Variants in VSIR observed in about 807,000 individuals in gnomAD.
The protein encoded by VSIR is V-type immunoglobulin domain-containing suppressor of T-cell activation.
In VSIR, 10 loss-of-function variants were observed where a neutral mutation model predicts 31.0. That is an observed-to-expected ratio of 0.32 (90% confidence interval 0.20 to 0.55). The LOEUF (loss-of-function observed/expected upper bound fraction) is 0.55, where lower values mean the gene tolerates loss of function less well. Among genes scored for constraint, VSIR ranks in the 20% least tolerant of loss-of-function variants. The pLI, the probability that VSIR is intolerant of heterozygous loss-of-function variation, is 0.93. For missense variants in VSIR, 356 were observed against 416.2 expected (o/e 0.86, Z 1.26); for synonymous variants, 179 against 180.1 (o/e 0.99, Z 0.05).
chr10:71,764,772 A>G (rs1325994408), intron 1 of VSIR, among the ~76,000 whole-genome samples: 1 of 152,176 alleles, frequency 6.6e-6, no homozygotes, highest in African/African-American at 2.4e-5. Flanking sequence ...TTCTTGGGCT[A>G]GCTGGCATGG....
chr10:71,759,769 G>A (rs1400547814), intron 3 of VSIR, among the ~76,000 whole-genome samples: 1 of 150,514 alleles, frequency 6.6e-6, no homozygotes. Context: ...CCCAGATCGC[G>A]CCACTGCACT....
intron 3 of VSIR, among the ~76,000 whole-genome samples, chr10:71,759,930 C>CACATATATATACACACACAT (rs1564779366): frequency 3.7e-4 from 20 of 54,520 alleles, no homozygotes; most frequent in Middle Eastern, 8.3e-3. Flanking sequence ...TACACACACA[C>CACATATATATACACACACAT]ATATATACAC....
In VSIR at chr10:71,751,714, G is replaced by C; in HGVS notation, c.852C>G (p.Thr284=). The stretch of plus-strand genomic sequence containing the variant: ...CTCCGGGGCCTGGAGGAGACAGGGG[G>C]GTGCTGGGCTCCGAAAGCAGATGCC... ...SGRHLLSEPS[T]PLSPPGPGDV... The change falls in exon 6 of 7, where the codon ACC becomes ACG. Residue 284 remains threonine (T), a synonymous_variant. Coordinates refer to ENST00000394957, the MANE Select transcript of VSIR (RefSeq NM_022153.2). The surrounding 1 kb of genome is among the most constrained non-coding windows in gnomAD (Gnocchi z 4.9). 2 of 1,573,466 alleles carry C rather than the reference G, an allele frequency of 1.3e-6. No homozygotes were observed. The highest frequency in any genetic ancestry group is 2.0e-4 in the Middle Eastern group (1 of 4,952).
Position 71,751,591 on chromosome 10 carries a change from A to G in VSIR, c.898+77T>C. On this transcript the variant is annotated intron_variant, in intron 6 of 6. Coordinates refer to ENST00000394957, the MANE Select transcript of VSIR (RefSeq NM_022153.2). This position sits in a 1 kb window ranked among gnomAD's most constrained non-coding sequence, Gnocchi z 4.9. ...GTGGAACTCTTCAGGGAGGGCAGGG[A>G]GTGAGGCCGATGCCCTGCAGGCCAT... 6.9e-7 allele frequency: 1 copy of G among 1,457,582 alleles called. No individual in the cohort carries two copies. The highest frequency in any genetic ancestry group is 9.2e-7 in the Non-Finnish European group (1 of 1,088,296). 90.3% of individuals were successfully genotyped at this position (1,457,582 alleles called of 1,614,324 possible).
Position 71,748,453 on chromosome 10 carries a change from C to CA in VSIR, c.*2799dup, listed in dbSNP as rs1470313340. ...GAGTGCTGAGCAGTCCCCGCTGTGT[C>CA]AGCAAAACCCTCCAAATGGTGCTTT... On this transcript the variant is annotated 3_prime_UTR_variant, in exon 7 of 7. Coordinates refer to ENST00000394957, the MANE Select transcript of VSIR (RefSeq NM_022153.2). 6.6e-6 allele frequency: 1 copy of CA among 152,274 alleles called. No homozygotes were observed. The highest frequency in any genetic ancestry group is 1.5e-5 in the Non-Finnish European group (1 of 68,092). 9.4% of individuals were successfully genotyped at this position (152,274 alleles called of 1,614,324 possible).
At chr10:71,765,750 C>T (rs561916710) in intron 1 of VSIR, among the ~76,000 whole-genome samples, 2 of 152,232 alleles carry the variant, frequency 1.3e-5, no homozygotes, top group African/African-American at 4.8e-5. Flanking sequence ...CCACCCATCC[C>T]ACAGGTCCCA....
Position 71,760,905 on chromosome 10 carries a change from G to A in VSIR, c.531C>T (p.Asn177=), listed in dbSNP as rs780594227. ...GGGAGGAGGATGGGTACACCACACA[G>A]TTGGATGGTGCATCTTTGCCTGTGG... The part of the protein sequence containing the change: ...QVQTGKDAPS[N]CVVYPSSSQD... The change falls in exon 3 of 7, where the codon AAC becomes AAT. Residue 177 remains asparagine, a synonymous_variant. Coordinates refer to ENST00000394957, the MANE Select transcript of VSIR (RefSeq NM_022153.2). The A allele has an allele frequency of 6.2e-7, 1 of 1,613,846 alleles. No homozygotes were observed. Among genetic ancestry groups the A allele is most frequent in the Non-Finnish European group, 8.5e-7 (1 of 1,179,760 alleles).
chr10:71,772,478 C>G (rs1840708154), intron 1 of VSIR, among the ~76,000 whole-genome samples: 1 of 152,254 alleles, frequency 6.6e-6, no homozygotes, highest in Admixed American at 6.5e-5. Context: ...ACTAGGCAAC[C>G]AGGCCATGGG....
chr10:71,760,262 T>C (rs1840336593), intron 3 of VSIR, among the ~76,000 whole-genome samples: 1 of 112,966 alleles, frequency 8.9e-6, no homozygotes, highest in African/African-American at 3.0e-5. Context: ...TATATATATG[T>C]ATATACATAT....
intron 2 of VSIR, 102 bp from the exon 3 acceptor site, chr10:71,761,026 T>C: frequency 1.7e-6 from 2 of 1,175,962 alleles, no homozygotes; most frequent in South Asian, 1.2e-5. Context: ...GTTCTCACGC[T>C]AGTGCCTACT....
At chr10:71,759,402 G>T (rs543573762) in intron 3 of VSIR, among the ~76,000 whole-genome samples, 2 of 152,212 alleles carry the variant, frequency 1.3e-5, no homozygotes, top group South Asian at 4.1e-4. Flanking sequence ...AGCTACTTGG[G>T]AGAATGAAGC....
chr10:71,755,348 G>A lies in VSIR; in HGVS notation c.676+11C>T. The A allele has an allele frequency of 6.2e-7, 1 of 1,608,008 alleles. No homozygotes were observed. Among genetic ancestry groups the A allele is most frequent in the Non-Finnish European group, 8.5e-7 (1 of 1,177,214 alleles). ...ACCGTCCACCCACCCCAGGCAGGGAGGAATACTCACGGCGGTTGGAGGCTG... is the reference window on the plus strand; with the variant it reads ...ACCGTCCACCCACCCCAGGCAGGGAAGAATACTCACGGCGGTTGGAGGCTG... On this transcript the variant is annotated intron_variant, in intron 4 of 6. Coordinates refer to ENST00000394957, the MANE Select transcript of VSIR (RefSeq NM_022153.2).
At position 71,752,985 on chromosome 10, in the gene VSIR, G is replaced by C. The variant is rs143020453; in HGVS notation, c.694C>G (p.Arg232Gly). 4 of 1,612,694 alleles carry C rather than the reference G, an allele frequency of 2.5e-6. No individual in the cohort carries two copies. In the Admixed American group the frequency reaches 6.7e-5, roughly 27 times the overall value. ...CTCCATGGGCCTTACCTGTCCATCC[G>C]CACCAGCTCCTGGGCACCTAGGGAC... ...ASNRRAQELV[R>G]MDSNIQGIEN... The change falls in exon 5 of 7, where the codon CGG (arginine) becomes GGG (glycine). Residue 232 changes from arginine (R) to glycine (G), a missense_variant. Around this residue, in one of 2 missense-constraint regions of VSIR, gnomAD observed 190 missense variants for 185.2 expected, o/e 1.03. Transcript: ENST00000394957.
In VSIR at chr10:71,773,260, C is replaced by T. The variant is rs1840728239; in HGVS notation, c.82+98G>A. The T allele has an allele frequency of 3.7e-6, 5 of 1,365,778 alleles. 1 individual carries two copies. Among genetic ancestry groups the T allele is most frequent in the South Asian group, 2.6e-5 (2 of 77,274 alleles). The allele number at this position is 1,365,778 out of a possible 1,614,324, so 84.6% of individuals were successfully genotyped here. A position where few individuals can be genotyped will look rare whatever the true frequency, so the allele number is the denominator to read the frequency against. ...GGAGTGGGGTGCACGGTCACACAGG[C>T]TGAGAGGGCCCCCAGGACGCCCCCA... is the stretch of plus-strand genomic sequence containing the variant. On this transcript the variant is annotated intron_variant, in intron 1 of 6. Transcript: ENST00000394957.
At position 71,751,565 on chromosome 10, in the gene VSIR, C is replaced by T. The variant is rs1164661410; in HGVS notation, c.898+103G>A. The T allele has an allele frequency of 6.8e-6, 9 of 1,319,620 alleles. No individual in the cohort carries two copies. The highest frequency in any genetic ancestry group is 6.2e-5 in the South Asian group (4 of 64,648). The allele number at this position is 1,319,620 out of a possible 1,614,324, so 81.7% of individuals were successfully genotyped here. Reference sequence around the variant, plus strand: ...CACCCTCAACCCCACCCCGTGAGGCCGTGGAACTCTTCAGGGAGGGCAGGG... The same window carrying T: ...CACCCTCAACCCCACCCCGTGAGGCTGTGGAACTCTTCAGGGAGGGCAGGG... On this transcript the variant is annotated intron_variant, in intron 6 of 6. Coordinates refer to ENST00000394957, the MANE Select transcript of VSIR (RefSeq NM_022153.2). The surrounding 1 kb of genome is among the most constrained non-coding windows in gnomAD (Gnocchi z 4.9).
rs761467389 is a variant in VSIR at position 71,751,819 on chromosome 10, T to C, written c.747A>G (p.Pro249=). Residue 249 remains proline, a synonymous_variant, in exon 6 of 7, where the codon CCA becomes CCG. Coordinates refer to ENST00000394957, the MANE Select transcript of VSIR (RefSeq NM_022153.2). The surrounding 1 kb of genome is among the most constrained non-coding windows in gnomAD (Gnocchi z 4.9). ...TGGCCTCGGGTATCCCCTGGGCAGG[T>C]GGTGAGGCTTCAAAGCCGGGGTTTT... ...GIENPGFEAS[P]PAQGIPEAKV... The C allele has an allele frequency of 1.3e-6, 2 of 1,573,528 alleles. No homozygotes were observed. Among genetic ancestry groups the C allele is most frequent in the Non-Finnish European group, 1.7e-6 (2 of 1,161,338 alleles).
In VSIR at chr10:71,761,887, G is replaced by A. The variant is rs1332682695; in HGVS notation, c.222C>T (p.Arg74=). The A allele has an allele frequency of 1.2e-6, 2 of 1,614,142 alleles. No individual in the cohort carries two copies. Among genetic ancestry groups the A allele is most frequent in the African/African-American group, 2.7e-5 (2 of 75,062 alleles). ...AGGTCTGCACCTCGCCCCTCGAGCT[G>A]CGGTACCACGTCTTGTAGAAGGTCA... ...HDVTFYKTWY[R]SSRGEVQTCS... Residue 74 remains arginine, a synonymous_variant, in exon 2 of 7, where the codon CGC becomes CGT. Coordinates refer to ENST00000394957, the MANE Select transcript of VSIR (RefSeq NM_022153.2).
intron 3 of VSIR, among the ~76,000 whole-genome samples, chr10:71,755,673 C>A (rs1840123937): frequency 1.3e-5 from 2 of 152,096 alleles, no homozygotes; most frequent in Non-Finnish European, 1.5e-5. Context: ...GCCCTATGCC[C>A]CTGGAGCACT....
chr10:71,760,837 AC>A, intron 3 of VSIR, 30 bp downstream of exon 3: 1 of 1,600,662 alleles, frequency 6.2e-7, no homozygotes, highest in African/African-American at 1.3e-5. Flanking sequence ...AAAACAGAGA[AC>A]CCAAAAGGGG....
Sources: gnomAD v4.1 joint callset for allele counts (sites outside exome capture counted in the v4.1 genomes callset) on GRCh38, gnomAD v4.1.1 for gene constraint, gnomAD v4.1.1 regional missense constraint, Gnocchi (gnomAD v3.1) non-coding constraint, MANE v1.5 for transcripts, NCBI Gene and HGNC (gene_info 2026-07-23, HGNC 2026-07-21) for gene names.